The following EFCAB11 variants were observed in gnomAD, a reference collection of about 807,000 sequenced individuals.
EFCAB11 encodes the protein EF-hand calcium-binding domain-containing protein 11.
Under a neutral mutation model 23.0 loss-of-function variants are expected in EFCAB11, and 14 were observed. That is an observed-to-expected ratio of 0.61 (90% CI 0.40 to 0.95). The LOEUF (loss-of-function observed/expected upper bound fraction) is 0.95. EFCAB11 is among the 40% of genes least tolerant of loss of function. The pLI, the probability that EFCAB11 is intolerant of heterozygous loss-of-function variation, is 0.00. For synonymous variants in EFCAB11, 65 were observed against 66.6 expected (o/e 0.98, Z 0.11); for missense variants, 198 against 195.8 (o/e 1.01, Z -0.07).
chr14:89,809,011 A>G (rs1270862678), intron 5 of EFCAB11, among the ~76,000 whole-genome samples: 1 of 152,240 alleles, frequency 6.6e-6, no homozygotes, highest in Non-Finnish European at 1.5e-5. Context: ...TTTGTTTTCT[A>G]TCCCTGCATT....
intron 5 of EFCAB11, among the ~76,000 whole-genome samples, chr14:89,803,516 G>A (rs1885856767): frequency 6.6e-6 from 1 of 152,228 alleles, no homozygotes; most frequent in African/African-American, 2.4e-5. Context: ...AAATGTGAAT[G>A]AGAAATTTAA....
At chr14:89,874,552 T>C (rs1206770081) in intron 5 of EFCAB11, among the ~76,000 whole-genome samples, 1 of 152,214 alleles carries the variant, frequency 6.6e-6, no homozygotes, top group Admixed American at 6.5e-5. Flanking sequence ...TAAATATAAG[T>C]TCCAATTCCA....
chr14:89,912,830 C>T (rs989327924), intron 5 of EFCAB11, among the ~76,000 whole-genome samples: 8 of 152,208 alleles, frequency 5.3e-5, no homozygotes, highest in African/African-American at 1.9e-4. Flanking sequence ...TACTCGATTT[C>T]CATGGCAACT....
At chr14:89,868,625 C>T (rs1046496698) in intron 5 of EFCAB11, among the ~76,000 whole-genome samples, 1 of 152,162 alleles carries the variant, frequency 6.6e-6, no homozygotes, top group African/African-American at 2.4e-5. Flanking sequence ...CTGGAGGAGG[C>T]CAGTTCTGGC....
intron 5 of EFCAB11, among the ~76,000 whole-genome samples, chr14:89,809,511 C>T (rs1005344516): frequency 1.3e-5 from 2 of 152,160 alleles, no homozygotes; most frequent in Admixed American, 6.6e-5. Context: ...TCATTAAAGA[C>T]ATTAAGTGTT....
intron 5 of EFCAB11, among the ~76,000 whole-genome samples, chr14:89,811,419 C>G (rs1284942577): frequency 6.6e-6 from 1 of 152,142 alleles, no homozygotes; most frequent in African/African-American, 2.4e-5. Context: ...CCAAAGGTAT[C>G]CATGTGCTAT....
At chr14:89,826,676 A>G (rs1886701661) in intron 5 of EFCAB11, among the ~76,000 whole-genome samples, 1 of 152,128 alleles carries the variant, frequency 6.6e-6, no homozygotes, top group Non-Finnish European at 1.5e-5. Context: ...ATATGACTTG[A>G]GCTGAGTGTT....
intron 5 of EFCAB11, among the ~76,000 whole-genome samples, chr14:89,922,934 T>C (rs1890066392): frequency 6.6e-6 from 1 of 152,224 alleles, no homozygotes; most frequent in Non-Finnish European, 1.5e-5. Flanking sequence ...TCTTAACAGC[T>C]GGGCCTTGAA....
intron 5 of EFCAB11, among the ~76,000 whole-genome samples, chr14:89,907,974 C>T (rs1045408527): frequency 6.6e-6 from 1 of 152,150 alleles, no homozygotes; most frequent in African/African-American, 2.4e-5. Context: ...GGGCTTGGCA[C>T]ACAGTGAGCA....
chr14:89,932,543 G>A lies in EFCAB11; in HGVS notation c.302C>T (p.Thr101Ile). Residue 101 changes from threonine to isoleucine, a missense_variant, in exon 4 of 6, where the codon ACA becomes ATA. Transcript: ENST00000316738. ...ACACTTACAGTAGGTGTCAAAGGCT[G>A]TGAAGATGTGTCTTACTTCGTTCCG... ...RYRNEVRHIF[T>I]AFDTYYRGFL... 2 of 1,613,662 alleles carry A rather than the reference G, an allele frequency of 1.2e-6. No homozygotes were observed. The highest frequency in any genetic ancestry group is 2.7e-5 in the African/African-American group (2 of 75,012).
At chr14:89,914,825 T>A (rs960910548) in intron 5 of EFCAB11, among the ~76,000 whole-genome samples, 1 of 151,488 alleles carries the variant, frequency 6.6e-6, no homozygotes, top group African/African-American at 2.4e-5. Flanking sequence ...TTATGAAATA[T>A]GTAGGGAAAT....
intron 5 of EFCAB11, among the ~76,000 whole-genome samples, chr14:89,800,161 G>A (rs1885726783): frequency 6.6e-6 from 1 of 151,420 alleles, no homozygotes; most frequent in South Asian, 2.1e-4. Flanking sequence ...ACTCCAGCCT[G>A]GGCGAAAAGA....
chr14:89,913,020 A>G lies in EFCAB11; in HGVS notation c.410+18521T>C, dbSNP rs367701990. On this transcript the variant is annotated intron_variant, in intron 5 of 5. Coordinates refer to ENST00000316738, the MANE Select transcript of EFCAB11 (RefSeq NM_145231.4). ...ACAATGAGGTCATTTTTAGTGGGGA[A>G]CAAACTCAGAAATTACTAATACACC... Among the ~76,000 whole-genome samples, 4 of 152,362 alleles carry G rather than the reference A, an allele frequency of 2.6e-5. No homozygotes were observed. In the East Asian group the frequency reaches 5.8e-4, roughly 22 times the overall value.
intron 5 of EFCAB11, among the ~76,000 whole-genome samples, chr14:89,911,586 T>C (rs1889678065): frequency 6.6e-6 from 1 of 152,194 alleles, no homozygotes; most frequent in African/African-American, 2.4e-5. Context: ...AATTTGCAGA[T>C]AAAAAGACCC....
chr14:89,840,723 T>A (rs1378086545), intron 5 of EFCAB11, among the ~76,000 whole-genome samples: 4 of 152,216 alleles, frequency 2.6e-5, no homozygotes, highest in Non-Finnish European at 5.9e-5. Flanking sequence ...TGAATAGATT[T>A]TTCTACATAG....
At chr14:89,916,806 G>T (rs1274145353) in intron 5 of EFCAB11, among the ~76,000 whole-genome samples, 1 of 152,102 alleles carries the variant, frequency 6.6e-6, no homozygotes, top group Non-Finnish European at 1.5e-5. Flanking sequence ...GTCATGACTG[G>T]ATTATGAGGA....
chr14:89,841,675 T>C (rs779943989), intron 5 of EFCAB11, among the ~76,000 whole-genome samples: 15 of 151,926 alleles, frequency 9.9e-5, no homozygotes, highest in Non-Finnish European at 2.1e-4. Context: ...AGTGCTCACA[T>C]AGTCTGGATT....
chr14:89,865,803 T>C (rs1358669824), intron 5 of EFCAB11, among the ~76,000 whole-genome samples: 9 of 149,588 alleles, frequency 6.0e-5, no homozygotes, highest in Non-Finnish European at 1.3e-4. Flanking sequence ...TTGGTGGGAT[T>C]ACAGGCGCCC....
intron 5 of EFCAB11, among the ~76,000 whole-genome samples, chr14:89,857,490 G>A (rs1887789720): frequency 6.7e-6 from 1 of 148,162 alleles, no homozygotes; most frequent in South Asian, 2.2e-4. Context: ...ACACCCTATA[G>A]CTGTTACTGA....
Sources: allele counts gnomAD v4.1 joint callset (sites outside exome capture counted in the v4.1 genomes callset), GRCh38; gene constraint gnomAD v4.1.1; transcripts MANE v1.5; gene names NCBI Gene and HGNC (gene_info 2026-07-23, HGNC 2026-07-21).